CLEC16A: variants seen among roughly 807,000 people sequenced by gnomAD.
CLEC16A encodes C-type lectin domain containing 16A.
CLEC16A carries 51 observed loss-of-function variants against 109.5 expected under a neutral mutation model. The observed-to-expected ratio is 0.47, with a 90% CI of 0.37 to 0.59. The LOEUF (loss-of-function observed/expected upper bound fraction) is 0.59, where lower values mean the gene tolerates loss of function less well. Ranked by LOEUF, CLEC16A falls within the 20% of genes least tolerant of loss-of-function variation. The pLI, the probability that CLEC16A is intolerant of heterozygous loss-of-function variation, is 0.00. For synonymous variants in CLEC16A, 673 were observed against 564.2 expected (o/e 1.19, Z -2.73); for missense variants, 1,339 against 1,394.0 (o/e 0.96, Z 0.63).
At chr16:10,973,527 ATGT>A (rs2042893079) in intron 7 of CLEC16A, among the ~76,000 whole-genome samples, 1 of 152,104 alleles carries the variant, frequency 6.6e-6, no homozygotes, top group African/African-American at 2.4e-5. Context: ...TAGGGCTAGG[ATGT>A]TGTGTGGGGA....
chr16:11,092,800 C>A (rs1044180016), intron 19 of CLEC16A, among the ~76,000 whole-genome samples: 7 of 152,132 alleles, frequency 4.6e-5, no homozygotes, highest in Admixed American at 1.3e-4. Flanking sequence ...TTCTGAAACT[C>A]TGTGGGCCTC....
intron 19 of CLEC16A, among the ~76,000 whole-genome samples, chr16:11,117,639 G>C (rs1271587107): frequency 6.6e-6 from 1 of 152,108 alleles, no homozygotes; most frequent in Non-Finnish European, 1.5e-5. Flanking sequence ...AAAAATGAAA[G>C]TTCTCCCCTT....
At chr16:11,130,595 A>G (rs2053139144) in intron 22 of CLEC16A, among the ~76,000 whole-genome samples, 2 of 152,278 alleles carry the variant, frequency 1.3e-5, no homozygotes, top group East Asian at 3.9e-4. Context: ...GTGGAGGGAG[A>G]TTCGGTCATC....
intron 19 of CLEC16A, among the ~76,000 whole-genome samples, chr16:11,096,594 C>T (rs1057415037): frequency 1.3e-5 from 2 of 152,080 alleles, no homozygotes; most frequent in African/African-American, 4.8e-5. Context: ...ATACCATACC[C>T]CAAAGATAAC....
chr16:11,130,146 CAGAGAGGGTTGCCTGCGTGGGAACCTTCT>C, intron 22 of CLEC16A, among the ~76,000 whole-genome samples: 1 of 152,186 alleles, frequency 6.6e-6, no homozygotes, highest in Non-Finnish European at 1.5e-5. Context: ...TTCTCCCCTG[CAGAGAGGGTTGCCTGCGTGGGAACCTTCT>C]GTGCTGTTTA....
At chr16:11,076,286 C>G (rs890405178) in intron 19 of CLEC16A, among the ~76,000 whole-genome samples, 1 of 152,192 alleles carries the variant, frequency 6.6e-6, no homozygotes, top group Non-Finnish European at 1.5e-5. Flanking sequence ...CCCCTTGGGC[C>G]ACCGGCTTCA....
At chr16:11,041,958 G>T in intron 14 of CLEC16A, 1 of 315,518 alleles carries the variant, frequency 3.2e-6, no homozygotes, top group Non-Finnish European at 6.0e-6. Context: ...TGGGGGTGCA[G>T]GGCCACTTTC....
chr16:11,147,645 A>G (rs2054121355), intron 22 of CLEC16A, among the ~76,000 whole-genome samples: 1 of 152,196 alleles, frequency 6.6e-6, no homozygotes, highest in Non-Finnish European at 1.5e-5. Context: ...AAAGTCCATG[A>G]ATTGTACACT....
intron 11 of CLEC16A, among the ~76,000 whole-genome samples, chr16:11,007,413 G>A (rs2045094242): frequency 6.6e-6 from 1 of 152,192 alleles, no homozygotes; most frequent in Admixed American, 6.5e-5. Context: ...GCCTGGCAGT[G>A]TCTTGGTTGG....
chr16:11,119,164 T>A (rs35441874), intron 19 of CLEC16A, among the ~76,000 whole-genome samples: 28,604 of 152,130 alleles, frequency 0.19, 3,339 homozygotes, highest in South Asian at 0.26. Context: ...CACGCTCAGC[T>A]AATTTTTTTT....
At chr16:11,022,271 C>G (rs2046147353) in intron 12 of CLEC16A, among the ~76,000 whole-genome samples, 1 of 151,712 alleles carries the variant, frequency 6.6e-6, no homozygotes, top group African/African-American at 2.4e-5. Flanking sequence ...AAGAAACTGC[C>G]ACTGCCCTCT....
At chr16:10,970,312 C>T (rs1380470667) in intron 4 of CLEC16A, among the ~76,000 whole-genome samples, 1 of 152,212 alleles carries the variant, frequency 6.6e-6, no homozygotes, top group Non-Finnish European at 1.5e-5. Context: ...CCAAAGAAAA[C>T]TTTCTCAGAA....
intron 19 of CLEC16A, among the ~76,000 whole-genome samples, chr16:11,075,374 A>ATG: frequency 8.1e-6 from 1 of 123,928 alleles, no homozygotes; most frequent in East Asian, 2.8e-4. Context: ...GACCTTGGAT[A>ATG]TGTCTGTGTG....
At chr16:11,062,327 A>C (rs2048526113) in intron 19 of CLEC16A, among the ~76,000 whole-genome samples, 1 of 152,176 alleles carries the variant, frequency 6.6e-6, no homozygotes, top group South Asian at 2.1e-4. Context: ...ATATACAAAA[A>C]AACTCCCCAA....
intron 1 of CLEC16A, among the ~76,000 whole-genome samples, chr16:10,952,939 A>G (rs1221538747): frequency 6.6e-6 from 1 of 152,252 alleles, no homozygotes; most frequent in Non-Finnish European, 1.5e-5. Flanking sequence ...ATGTTACACT[A>G]TTGTAAATAT....
chr16:11,075,410 GTCTGTGTGTGTGTGTGTA>G (rs1267229663), intron 19 of CLEC16A, among the ~76,000 whole-genome samples: 151 of 99,590 alleles, frequency 1.5e-3, no homozygotes, highest in African/African-American at 5.8e-3. Context: ...GTGTGTGTGT[GTCTGTGTGTGTGTGTGTA>G]TGTGTGTGTG....
chr16:11,043,662 C>A (rs1597176646), intron 15 of CLEC16A, among the ~76,000 whole-genome samples: 1 of 151,736 alleles, frequency 6.6e-6, no homozygotes. Flanking sequence ...GTCAGGAGTT[C>A]GAGACCAGCC....
At chr16:11,141,506 G>C (rs955519277) in intron 22 of CLEC16A, among the ~76,000 whole-genome samples, 2 of 152,222 alleles carry the variant, frequency 1.3e-5, no homozygotes, top group African/African-American at 2.4e-5. Flanking sequence ...GTCGGGGACC[G>C]TGGGGGATCT....
chr16:11,062,653 G>A (rs2048545914), intron 19 of CLEC16A, among the ~76,000 whole-genome samples: 2 of 152,288 alleles, frequency 1.3e-5, no homozygotes, highest in East Asian at 1.9e-4. Context: ...TGAGTATTGT[G>A]TGTTACCTGG....
Sources: allele counts gnomAD v4.1 joint callset (sites outside exome capture counted in the v4.1 genomes callset), GRCh38; gene constraint gnomAD v4.1.1; transcripts MANE v1.5; gene names NCBI Gene and HGNC (gene_info 2026-07-23, HGNC 2026-07-21).